ERI1: variants seen among roughly 807,000 people sequenced by gnomAD.
ERI1 encodes 3'-5' exoribonuclease 1.
In ERI1, 39 loss-of-function variants were observed where a neutral mutation model predicts 39.7. That is an observed-to-expected ratio of 0.98 (90% CI 0.76 to 1.28). The LOEUF (loss-of-function observed/expected upper bound fraction) is 1.28, where lower values mean the gene tolerates loss of function less well. Ranked by LOEUF, ERI1 falls within the 50% of genes most tolerant of loss-of-function variation. The pLI is 0.00. For synonymous variants in ERI1, 204 were observed against 149.6 expected, an observed-to-expected ratio of 1.36 and a Z score of -2.65; for missense variants, 581 against 416.9, an observed-to-expected ratio of 1.39 and a Z score of -3.43.
At chr8:9,034,395 C>T (rs941611990), downstream of ERI1, among the ~76,000 whole-genome samples, 2 of 152,164 alleles carry the variant, frequency 1.3e-5, no homozygotes, top group Admixed American at 1.3e-4. Flanking sequence ...TGTGTGAATC[C>T]TGTGTGGAGA....
chr8:9,038,441 CT>C (rs767986940), intron 3 of ERI1, among the ~76,000 whole-genome samples: 6 of 152,218 alleles, frequency 3.9e-5, no homozygotes, highest in Non-Finnish European at 8.8e-5. Context: ...TATCATACAT[CT>C]TTGTAACAAG....
intron 3 of ERI1, among the ~76,000 whole-genome samples, chr8:9,068,792 T>C (rs909686862): frequency 3.9e-5 from 6 of 152,140 alleles, no homozygotes; most frequent in African/African-American, 1.4e-4. Flanking sequence ...CAGAGAGTGA[T>C]TGGCACTGTT....
chr8:9,080,889 C>G (rs1217878219), intron 3 of ERI1, among the ~76,000 whole-genome samples: 1 of 152,222 alleles, frequency 6.6e-6, no homozygotes, highest in Non-Finnish European at 1.5e-5. Flanking sequence ...TAATGCTATA[C>G]TGAAATGTTC....
At chr8:9,004,986 G>C (rs1479268186) in intron 1 of ERI1, among the ~76,000 whole-genome samples, 1 of 152,098 alleles carries the variant, frequency 6.6e-6, no homozygotes, top group African/African-American at 2.4e-5. Flanking sequence ...ACTGCGCCTG[G>C]CCATGATACA....
chr8:9,036,554 A>G (rs112113267), downstream of ERI1, among the ~76,000 whole-genome samples: 156 of 152,324 alleles, frequency 1.0e-3, no homozygotes, highest in African/African-American at 3.5e-3. Context: ...TTTTATATGC[A>G]CTGGGGAGCC....
rs1199704392 is a variant in ERI1 at position 9,033,291 on chromosome 8, A to G, written c.*3257A>G. 6.6e-6 allele frequency: 1 copy of G among 152,208 alleles called. No homozygotes were observed. Among genetic ancestry groups the G allele is most frequent in the African/African-American group, 2.4e-5 (1 of 41,450 alleles). The allele number at this position is 152,208 out of a possible 1,614,324, so 9.4% of individuals were successfully genotyped here. ...GGCTCAAAATAATATTTTGTATAAT[A>G]CGAAAATTACGAAATTTTAGTTTCT... On this transcript the variant is annotated 3_prime_UTR_variant, in exon 7 of 7. Coordinates refer to ENST00000250263, the MANE Select transcript of ERI1 (RefSeq NM_153332.4).
intron 3 of ERI1, chr8:9,096,636 G>A (rs899036956): frequency 6.7e-6 from 1 of 149,276 alleles, no homozygotes. Context: ...GGCATGCTTT[G>A]AGAAGAGGCC....
intron 6 of ERI1, among the ~76,000 whole-genome samples, chr8:9,022,942 C>G (rs1195058558): frequency 6.6e-6 from 1 of 152,136 alleles, no homozygotes; most frequent in Non-Finnish European, 1.5e-5. Context: ...TACGTAGCTC[C>G]AAAAGCTAAG....
chr8:9,006,267 C>T (rs1719746468), intron 1 of ERI1, among the ~76,000 whole-genome samples: 3 of 152,172 alleles, frequency 2.0e-5, no homozygotes, highest in Admixed American at 1.3e-4. Context: ...GTCTCTAGAA[C>T]TTCACTGAAG....
rs192297127 is a variant in ERI1 at position 9,019,966 on chromosome 8, A to G, written c.693-384A>G. Among the ~76,000 whole-genome samples, 420 of 152,308 alleles carry G rather than the reference A, an allele frequency of 2.8e-3. 5 individuals are homozygous for G. The highest frequency in any genetic ancestry group is 4.4e-3 in the Non-Finnish European group (298 of 68,010). On this transcript the variant is annotated intron_variant, in intron 5 of 6. Coordinates refer to ENST00000250263, the MANE Select transcript of ERI1 (RefSeq NM_153332.4). Reference sequence around the variant, plus strand: ...GATTGTATTTTAACCATTTGATACCAGCTGCTTTTGTTTCTTTCATTTTTT... The same window carrying G: ...GATTGTATTTTAACCATTTGATACCGGCTGCTTTTGTTTCTTTCATTTTTT...
rs952958023 is a variant in ERI1 at position 9,030,601 on chromosome 8, G to C, written c.*567G>C. 3 of 153,250 alleles carry C rather than the reference G, an allele frequency of 2.0e-5. No homozygotes were observed. The highest frequency in any genetic ancestry group is 4.4e-5 in the Non-Finnish European group (3 of 68,686). 9.5% of individuals were successfully genotyped at this position (153,250 alleles called of 1,614,324 possible). Reference sequence around the variant, plus strand: ...GTTTCTTTTCAACTCATAATTGGAAGAATTATGATGGATTATAGGGTTTGG... The same window carrying C: ...GTTTCTTTTCAACTCATAATTGGAACAATTATGATGGATTATAGGGTTTGG... On this transcript the variant is annotated 3_prime_UTR_variant, in exon 7 of 7. Coordinates refer to ENST00000250263, the MANE Select transcript of ERI1 (RefSeq NM_153332.4).
At chr8:9,034,224 C>T (rs531516748), downstream of ERI1, among the ~76,000 whole-genome samples, 1 of 152,358 alleles carries the variant, frequency 6.6e-6, no homozygotes, top group South Asian at 2.1e-4. Flanking sequence ...TTTCTACTTG[C>T]AAGTGAATGT....
At chr8:9,065,434 A>G (rs1024855898) in intron 3 of ERI1, among the ~76,000 whole-genome samples, 3 of 152,106 alleles carry the variant, frequency 2.0e-5, no homozygotes, top group Admixed American at 6.6e-5. Context: ...AGTGGCTCAC[A>G]CCTGTAATCC....
chr8:9,091,445 C>CAGG (rs1396527734), intron 3 of ERI1: 3 of 150,478 alleles, frequency 2.0e-5, no homozygotes, highest in Non-Finnish European at 2.9e-5. Context: ...GGCTTGCACC[C>CAGG]AGGAGGAGGA....
intron 5 of ERI1, 142 bp from the exon 6 acceptor site, chr8:9,020,208 G>A (rs1161699663): frequency 2.1e-6 from 1 of 487,072 alleles, no homozygotes. Flanking sequence ...TATTTTGTAG[G>A]AAGCAAGGTT....
intron 3 of ERI1, among the ~76,000 whole-genome samples, chr8:9,066,719 A>G (rs1798891436): frequency 6.6e-6 from 1 of 152,218 alleles, no homozygotes; most frequent in South Asian, 2.1e-4. Flanking sequence ...TTTAAAAGAA[A>G]GGAAGAAATA....
intron 1 of ERI1, chr8:9,004,238 A>G (rs1471837063): frequency 8.1e-7 from 1 of 1,233,308 alleles, no homozygotes; most frequent in South Asian, 1.4e-5. Flanking sequence ...TCTCTTGTAA[A>G]GAACCACTCT....
chr8:9,072,777 C>T (rs1799095049), intron 3 of ERI1, among the ~76,000 whole-genome samples: 1 of 152,082 alleles, frequency 6.6e-6, no homozygotes, highest in Non-Finnish European at 1.5e-5. Context: ...GACCCCCCAC[C>T]CCACTCCCGA....
chr8:9,098,785 T>C lies in ERI1; in HGVS notation n.300-17563T>C, dbSNP rs150215218. Among the ~76,000 whole-genome samples, 515 of 152,296 alleles carry C rather than the reference T, an allele frequency of 3.4e-3. 4 individuals carry two copies. Among genetic ancestry groups the C allele is most frequent in the African/African-American group, 0.011 (458 of 41,562 alleles). On this transcript the variant is annotated intron_variant and non_coding_transcript_variant, in intron 3 of 3. Coordinates refer to the ERI1 transcript ENST00000518663. Reference sequence around the variant, plus strand: ...GTTAAACAGCCTTATTGAGGTATAATTGACTTACAGCAAATTGCACATATT... The same window carrying C: ...GTTAAACAGCCTTATTGAGGTATAACTGACTTACAGCAAATTGCACATATT...
Sources: gnomAD v4.1 joint callset for allele counts (sites outside exome capture counted in the v4.1 genomes callset) on GRCh38, gnomAD v4.1.1 for gene constraint, MANE v1.5 for transcripts, NCBI Gene and HGNC (gene_info 2026-07-23, HGNC 2026-07-21) for gene names.